Variants in TYW1B observed in about 807,000 individuals in gnomAD.
The protein encoded by TYW1B is tRNA-yW synthesizing protein 1 homolog B.
In TYW1B, 73 loss-of-function variants were observed where a neutral mutation model predicts 86.9. That is an observed-to-expected ratio of 0.84 (90% CI 0.70 to 1.02). The LOEUF is 1.02. TYW1B is among the 50% of genes least tolerant of loss of function. The probability of loss-of-function intolerance (pLI) is 0.00; values close to 1 mark genes in which losing one functional copy is unlikely to be tolerated. For missense variants in TYW1B, 637 were observed against 827.4 expected (o/e 0.77, Z 2.82); for synonymous variants, 248 against 292.8 (o/e 0.85, Z 1.56).
intron 9 of TYW1B, among the ~76,000 whole-genome samples, chr7:72,720,949 C>G (rs1420654669): frequency 7.2e-6 from 1 of 139,276 alleles, no homozygotes; most frequent in Non-Finnish European, 1.5e-5. Flanking sequence ...CTTCCTATGT[C>G]TAAGTGTTCT....
chr7:72,588,547 A>G (rs1811327973), intron 13 of TYW1B, among the ~76,000 whole-genome samples: 1 of 152,146 alleles, frequency 6.6e-6, no homozygotes. Flanking sequence ...TACAAGTTTT[A>G]TTATCTCCAA....
chr7:72,694,942 C>T, intron 10 of TYW1B, 120 bp from the exon 11 acceptor site: 1 of 1,085,960 alleles, frequency 9.2e-7, no homozygotes, highest in African/African-American at 1.6e-5. Context: ...GAGACTTCCA[C>T]TTCCCCCAAA....
At chr7:72,827,949 G>A in intron 1 of TYW1B, 123 bp downstream of exon 1, 2 of 1,542,132 alleles carry the variant, frequency 1.3e-6, no homozygotes, top group East Asian at 2.4e-5. Context: ...GCTAGCCGGT[G>A]CTGTCAAGTG....
intron 11 of TYW1B, among the ~76,000 whole-genome samples, chr7:72,658,782 A>C (rs1813263421): frequency 6.6e-6 from 1 of 152,146 alleles, no homozygotes; most frequent in South Asian, 2.1e-4. Flanking sequence ...GTGCAGTGGC[A>C]CAATCTCGGC....
intron 7 of TYW1B, among the ~76,000 whole-genome samples, chr7:72,772,276 A>G (rs1165176746): frequency 1.3e-5 from 2 of 152,196 alleles, no homozygotes; most frequent in African/African-American, 2.4e-5. Context: ...AAACTTGACC[A>G]AAAACACACA....
Position 72,731,759 on chromosome 7 carries a change from C to T in TYW1B, c.1083-2828G>A, listed in dbSNP as rs1458227327. Among the ~76,000 whole-genome samples the T allele has an allele frequency of 3.9e-5, 6 of 151,966 alleles. No homozygotes were observed. In the South Asian group the frequency reaches 8.3e-4, roughly 21 times the overall value. ...GAGTTCGAGACCAGCCTGGCCAACA[C>T]GGTGAAACCACGTCTCTACTAAAAA... On this transcript the variant is annotated intron_variant, in intron 8 of 13. Coordinates refer to ENST00000620995, the MANE Select transcript of TYW1B (RefSeq NM_001145440.3).
intron 1 of TYW1B, 126 bp downstream of exon 1, chr7:72,827,946 G>T: frequency 2.0e-6 from 3 of 1,535,498 alleles, no homozygotes; most frequent in Non-Finnish European, 2.6e-6. Flanking sequence ...GCGGCTAGCC[G>T]GTGCTGTCAA....
chr7:72,728,218 T>C (rs1272937923), intron 9 of TYW1B, among the ~76,000 whole-genome samples: 1 of 152,178 alleles, frequency 6.6e-6, no homozygotes, highest in Non-Finnish European at 1.5e-5. Context: ...GACAGAACAA[T>C]AGCAAAGGTT....
At chr7:72,744,731 G>GCAGGAAATT (rs1787366427) in intron 7 of TYW1B, 130 bp from the exon 8 acceptor site, 1 of 1,046,960 alleles carries the variant, frequency 9.6e-7, no homozygotes, top group Admixed American at 2.1e-5. Context: ...TCTGCATGAC[G>GCAGGAAATT]CAGGAAATTC....
chr7:72,691,392 C>G (rs1814156993), intron 11 of TYW1B, among the ~76,000 whole-genome samples: 2 of 152,138 alleles, frequency 1.3e-5, no homozygotes, highest in Non-Finnish European at 2.9e-5. Flanking sequence ...TACATAGAGA[C>G]AATAATGACT....
At position 72,704,709 on chromosome 7, in the gene TYW1B, A is replaced by C. The variant is rs116157995; in HGVS notation, c.1370+8912T>G. ...ACTTCCGTGTTTCATGTCTTATCTC[A>C]CATACTCGCAATGCCACCATAAGGT... On this transcript the variant is annotated intron_variant, in intron 10 of 13. Coordinates refer to ENST00000620995, the MANE Select transcript of TYW1B (RefSeq NM_001145440.3). Among the ~76,000 whole-genome samples, 1,058 of 152,122 alleles carry C rather than the reference A, an allele frequency of 7.0e-3. 10 individuals carry two copies. The highest frequency in any genetic ancestry group is 0.023 in the African/African-American group (963 of 41,482).
intron 8 of TYW1B, among the ~76,000 whole-genome samples, chr7:72,729,311 C>T (rs1371471184): frequency 1.3e-5 from 2 of 152,164 alleles, no homozygotes; most frequent in Non-Finnish European, 2.9e-5. Context: ...AGCTGGAACA[C>T]TTGCTTGGAA....
chr7:72,578,764 G>A (rs1174292094), intron 13 of TYW1B, among the ~76,000 whole-genome samples: 2 of 152,200 alleles, frequency 1.3e-5, no homozygotes, highest in African/African-American at 4.8e-5. Context: ...GTGAGGTTAT[G>A]TACAAGGCAC....
intron 7 of TYW1B, among the ~76,000 whole-genome samples, chr7:72,763,942 T>C (rs560955715): frequency 1.3e-5 from 2 of 152,248 alleles, no homozygotes; most frequent in South Asian, 2.1e-4. Flanking sequence ...ATGTTATTGA[T>C]ATAAATATTC....
chr7:72,821,271 T>G (rs74202110), intron 2 of TYW1B, among the ~76,000 whole-genome samples: 142,243 of 152,284 alleles, frequency 0.93, 66,541 homozygotes, highest in African/African-American at 0.98. Context: ...ATCACACCTG[T>G]CCTCACACTC....
intron 8 of TYW1B, among the ~76,000 whole-genome samples, chr7:72,733,068 A>G (rs1787139753): frequency 6.6e-6 from 1 of 152,110 alleles, no homozygotes; most frequent in African/African-American, 2.4e-5. Context: ...ACCTGAACAG[A>G]TCATTAACAA....
intron 7 of TYW1B, among the ~76,000 whole-genome samples, chr7:72,773,882 T>C (rs1262802846): frequency 6.6e-6 from 1 of 151,836 alleles, no homozygotes; most frequent in Non-Finnish European, 1.5e-5. Context: ...CTGACCAACA[T>C]GGTGAAACCC....
intron 13 of TYW1B, among the ~76,000 whole-genome samples, chr7:72,609,059 G>A (rs1269612530): frequency 1.3e-5 from 2 of 152,176 alleles, no homozygotes; most frequent in Admixed American, 6.5e-5. Flanking sequence ...CACGTAAGAC[G>A]TTATCACTGG....
At position 72,810,627 on chromosome 7, in the gene TYW1B, T is replaced by A. The variant is rs782361408; in HGVS notation, c.276A>T (p.Thr92=). The change falls in exon 4 of 14, where the codon ACA becomes ACT. Residue 92 remains threonine, a synonymous_variant. Transcript: ENST00000620995. ...TTTCGGTTGGTAGGCCGTCAGTGTATGTCGCAACCAGGAAGACACAGACAT... is the reference window on the plus strand; with the variant it reads ...TTTCGGTTGGTAGGCCGTCAGTGTAAGTCGCAACCAGGAAGACACAGACAT... ...SKNVCVFLVA[T]YTDGLPTESA... The A allele has an allele frequency of 1.2e-6, 2 of 1,613,366 alleles. No homozygotes were observed. Among genetic ancestry groups the A allele is most frequent in the East Asian group, 4.5e-5 (2 of 44,878 alleles).
Sources: allele counts gnomAD v4.1 joint callset (sites outside exome capture counted in the v4.1 genomes callset), GRCh38; gene constraint gnomAD v4.1.1; transcripts MANE v1.5; gene names NCBI Gene and HGNC (gene_info 2026-07-23, HGNC 2026-07-21).